The following SYT2 variants were observed in gnomAD, a reference collection of about 807,000 sequenced individuals.
The protein encoded by SYT2 is synaptotagmin-2.
A neutral mutation model predicts 39.9 loss-of-function variants in SYT2; 15 were observed. The observed-to-expected ratio is 0.38, with a 90% CI of 0.25 to 0.58. The LOEUF (loss-of-function observed/expected upper bound fraction) is 0.58. SYT2 is among the 20% of genes least tolerant of loss of function. SYT2 has a pLI of 0.70. For missense variants in SYT2, 389 were observed against 530.3 expected (o/e 0.73, Z 2.62); for synonymous variants, 181 against 204.5 (o/e 0.89, Z 0.98).
chr1:202,684,589 A>G (rs1044291430), intron 1 of SYT2, among the ~76,000 whole-genome samples: 1 of 152,178 alleles, frequency 6.6e-6, no homozygotes, highest in African/African-American at 2.4e-5. Flanking sequence ...TAGCGCTGCC[A>G]TGAACATGGG....
At position 202,702,286 on chromosome 1, in the gene SYT2, A is replaced by T. The variant is rs1654141202; in HGVS notation, c.-18+7972T>A. 2.0e-5 allele frequency among the ~76,000 whole-genome samples: 3 copies of T among 152,326 alleles called. No homozygotes were observed. The South Asian group carries it at 6.2e-4, about 32-fold the overall frequency. ...CCCTGCCTCCTGCAGCTGCAGCAGC[A>T]GCAACCAGCACAGTTCCCAGCATCA... On this transcript the variant is annotated intron_variant, in intron 1 of 8. Coordinates refer to ENST00000367268, the MANE Select transcript of SYT2 (RefSeq NM_177402.5).
chr1:202,707,002 GCACAGT>G (rs1414061228), intron 1 of SYT2, among the ~76,000 whole-genome samples: 2 of 152,090 alleles, frequency 1.3e-5, no homozygotes, highest in African/African-American at 4.8e-5. Context: ...ATAACTCTTG[GCACAGT>G]CATGATGAAT....
At chr1:202,617,366 A>AC (rs1429306737) in intron 1 of SYT2, among the ~76,000 whole-genome samples, 1 of 150,168 alleles carries the variant, frequency 6.7e-6, no homozygotes, top group Non-Finnish European at 1.5e-5. Flanking sequence ...AGTGTGTAGC[A>AC]CCCCCCAACC....
At chr1:202,613,067 CCTTTTTTTTTTTT>C (rs1316695347) in intron 1 of SYT2, among the ~76,000 whole-genome samples, 5 of 121,604 alleles carry the variant, frequency 4.1e-5, no homozygotes, top group Admixed American at 1.0e-4. Flanking sequence ...ATTGGTTCTT[CCTTTTTTTTTTTT>C]TTTTTTTTTT....
intron 1 of SYT2, among the ~76,000 whole-genome samples, chr1:202,613,371 G>A (rs1690942606): frequency 1.3e-5 from 2 of 152,226 alleles, no homozygotes; most frequent in South Asian, 4.1e-4. Flanking sequence ...ATCAGCCACC[G>A]CGTTCAGCCT....
intron 1 of SYT2, among the ~76,000 whole-genome samples, chr1:202,627,974 C>T (rs1691466407): frequency 6.6e-6 from 1 of 152,146 alleles, no homozygotes. Flanking sequence ...ACCCTGACTT[C>T]CCAGCACCCA....
rs1691849148 is a variant in SYT2 at position 202,639,796 on chromosome 1, A to G, written c.-17-34007T>C. Reference sequence around the variant, plus strand: ...ATGCAAACTCCTGGAGCCTGAGGCCAGTGCGCAGCAAGAGGAGGACACAGG... The same window carrying G: ...ATGCAAACTCCTGGAGCCTGAGGCCGGTGCGCAGCAAGAGGAGGACACAGG... On this transcript the variant is annotated intron_variant, in intron 1 of 8. Transcript: ENST00000367268. 3.0e-6 allele frequency: 3 copies of G among 985,332 alleles called. No homozygotes were observed. The South Asian group carries it at 1.4e-4, about 46-fold the overall frequency. 61.0% of individuals were successfully genotyped at this position (985,332 alleles called of 1,614,324 possible). A position where few individuals can be genotyped will look rare whatever the true frequency, so the allele number is the denominator to read the frequency against.
chr1:202,615,438 G>A (rs1340651511), intron 1 of SYT2, among the ~76,000 whole-genome samples: 1 of 152,086 alleles, frequency 6.6e-6, no homozygotes, highest in Non-Finnish European at 1.5e-5. Context: ...CACATCCCAG[G>A]TGTCTGCAAA....
At chr1:202,625,520 C>T (rs1459159012) in intron 1 of SYT2, among the ~76,000 whole-genome samples, 1 of 151,692 alleles carries the variant, frequency 6.6e-6, no homozygotes, top group African/African-American at 2.4e-5. Flanking sequence ...CCCGTTCAAG[C>T]TGCAGGAGAG....
chr1:202,597,693 A>C (rs1690347313), intron 8 of SYT2, among the ~76,000 whole-genome samples: 1 of 151,840 alleles, frequency 6.6e-6, no homozygotes, highest in Admixed American at 6.6e-5. Context: ...TGAGAGAGAG[A>C]GCCCTGGCAT....
chr1:202,615,216 A>G (rs1238159560), intron 1 of SYT2, among the ~76,000 whole-genome samples: 2 of 152,216 alleles, frequency 1.3e-5, no homozygotes, highest in Admixed American at 1.3e-4. Context: ...TCCAGACTCC[A>G]ACAAAACCAG....
chr1:202,654,036 C>T (rs1405599545), intron 1 of SYT2, among the ~76,000 whole-genome samples: 5 of 152,188 alleles, frequency 3.3e-5, no homozygotes, highest in South Asian at 2.1e-4. Flanking sequence ...TCAGCCAGCC[C>T]TCCTCCCCAG....
chr1:202,617,885 G>A (rs1691090333), intron 1 of SYT2, among the ~76,000 whole-genome samples: 2 of 152,280 alleles, frequency 1.3e-5, no homozygotes, highest in East Asian at 1.9e-4. Flanking sequence ...TTGTTGGGAC[G>A]CTCACTTGTT....
At chr1:202,663,982 G>A (rs544159320) in intron 1 of SYT2, among the ~76,000 whole-genome samples, 1 of 152,316 alleles carries the variant, frequency 6.6e-6, no homozygotes, top group African/African-American at 2.4e-5. Context: ...CAAGCACAGT[G>A]CCCTCTGGAA....
intron 1 of SYT2, among the ~76,000 whole-genome samples, chr1:202,669,327 G>A (rs1326352903): frequency 2.0e-5 from 3 of 151,880 alleles, no homozygotes; most frequent in South Asian, 2.1e-4. Context: ...TGGGACCAAC[G>A]GGGCAACATA....
intron 1 of SYT2, among the ~76,000 whole-genome samples, chr1:202,609,405 C>G (rs1021763122): frequency 2.0e-5 from 3 of 152,020 alleles, no homozygotes; most frequent in Admixed American, 6.6e-5. Context: ...GGGTATATAC[C>G]CAGTAATGGG....
chr1:202,685,030 G>C (rs61820928), intron 1 of SYT2, among the ~76,000 whole-genome samples: 2 of 152,124 alleles, frequency 1.3e-5, no homozygotes, highest in East Asian at 3.9e-4. Flanking sequence ...GTGGCATGCA[G>C]AGGAGGACAT....
At chr1:202,658,662 A>AT (rs140278190) in intron 1 of SYT2, among the ~76,000 whole-genome samples, 4,135 of 137,118 alleles carry the variant, frequency 0.03, 193 homozygotes, top group African/African-American at 0.099. Context: ...CAGTGGTCGG[A>AT]TTTTTTTTAT....
In SYT2 at chr1:202,604,445, T is replaced by G. The variant is rs371081042; in HGVS notation, c.345+10A>C. ...CCCTTCCAGTCCCCCTCACAACCAA[T>G]GTGCCCTACCTGACCCCCTTTCATG... On this transcript the variant is annotated intron_variant, in intron 3 of 8. Transcript: ENST00000367268. The G allele has an allele frequency of 1.2e-6, 2 of 1,613,392 alleles. No homozygotes were observed. Among genetic ancestry groups the G allele is most frequent in the African/African-American group, 2.7e-5 (2 of 74,942 alleles).
Sources: gnomAD v4.1 joint callset for allele counts (sites outside exome capture counted in the v4.1 genomes callset) on GRCh38, gnomAD v4.1.1 for gene constraint, MANE v1.5 for transcripts, NCBI Gene and HGNC (gene_info 2026-07-23, HGNC 2026-07-21) for gene names.